The following NR6A1 variants were observed in gnomAD, a reference collection of about 807,000 sequenced individuals.
The protein encoded by NR6A1 is nuclear receptor subfamily 6 group A member 1, also known as retinoic acid receptor-related testis-associated receptor.
Under a neutral mutation model 59.1 loss-of-function variants are expected in NR6A1, and 7 were observed. The ratio of observed to expected loss-of-function variants is 0.12; its 90% CI spans 0.07 to 0.22. The LOEUF is 0.22. Among genes scored for constraint, NR6A1 ranks in the 10% least tolerant of loss-of-function variants. The pLI, the probability that NR6A1 is intolerant of heterozygous loss-of-function variation, is 1.00. For synonymous variants in NR6A1, 243 were observed against 236.1 expected (o/e 1.03, Z -0.27); for missense variants, 468 against 611.6 (o/e 0.77, Z 2.48).
intron 2 of NR6A1, among the ~76,000 whole-genome samples, chr9:124,621,966 C>T (rs1836089616): frequency 6.6e-6 from 1 of 152,164 alleles, no homozygotes; most frequent in Admixed American, 6.5e-5. Flanking sequence ...ATAATCTCAG[C>T]ACTTTGAGAG....
rs148085334 is a variant in NR6A1 at position 124,541,429 on chromosome 9, A to C, written c.442-1242T>G. Among the ~76,000 whole-genome samples, 99 of 152,344 alleles carry C rather than the reference A, an allele frequency of 6.5e-4. 1 individual carries two copies. The highest frequency in any genetic ancestry group is 1.7e-3 in the South Asian group (8 of 4,826). On this transcript the variant is annotated intron_variant, in intron 4 of 9. Transcript: ENST00000487099. ...ATACAAATCAAAACTTGAAGATATT[A>C]CCTCACACCTGTTATGTCTGTTGTA... is the stretch of plus-strand genomic sequence containing the variant.
chr9:124,660,001 T>C (rs1381806106), intron 2 of NR6A1, among the ~76,000 whole-genome samples: 1 of 152,184 alleles, frequency 6.6e-6, no homozygotes, highest in African/African-American at 2.4e-5. Context: ...ATAAGTAGAA[T>C]GCACTTGGGG....
chr9:124,546,785 A>C (rs1218212187), intron 3 of NR6A1, among the ~76,000 whole-genome samples: 2 of 152,260 alleles, frequency 1.3e-5, no homozygotes, highest in African/African-American at 4.8e-5. Flanking sequence ...TTAAAAACAA[A>C]AACTTGGACC....
chr9:124,588,151 G>A (rs1411341572), intron 2 of NR6A1, among the ~76,000 whole-genome samples: 1 of 152,152 alleles, frequency 6.6e-6, no homozygotes, highest in African/African-American at 2.4e-5. Flanking sequence ...ATATATGATG[G>A]ACTTTCCATA....
In NR6A1 at chr9:124,538,076, GGCGGA is replaced by G; in HGVS notation, c.824+11_824+15del. ...TTTGAGACTGCAAGGGGCCAAGAAG[GGCGGA>G]GCTCACTCACCCATCTTCAATCAAC... On this transcript the variant is annotated intron_variant, in intron 6 of 9. Coordinates refer to ENST00000487099, the MANE Select transcript of NR6A1 (RefSeq NM_033334.4). 6.3e-7 allele frequency: 1 copy of G among 1,590,348 alleles called. No homozygotes were observed. The highest frequency in any genetic ancestry group is 8.6e-7 in the Non-Finnish European group (1 of 1,167,124).
chr9:124,567,149 C>T (rs971243176), intron 2 of NR6A1, among the ~76,000 whole-genome samples: 3 of 151,944 alleles, frequency 2.0e-5, no homozygotes, highest in East Asian at 3.9e-4. Context: ...GGACAACGGG[C>T]GAGTCAAGTG....
intron 4 of NR6A1, among the ~76,000 whole-genome samples, chr9:124,543,167 G>A (rs957759754): frequency 3.9e-5 from 6 of 152,070 alleles, no homozygotes; most frequent in Admixed American, 6.6e-5. Context: ...AAGATTCATC[G>A]TTGGGTCTCT....
chr9:124,645,832 A>C (rs965582799), intron 2 of NR6A1, among the ~76,000 whole-genome samples: 1 of 152,184 alleles, frequency 6.6e-6, no homozygotes, highest in Non-Finnish European at 1.5e-5. Context: ...ATTCTTCTCA[A>C]GTTGACATGA....
At position 124,554,335 on chromosome 9, in the gene NR6A1, G is replaced by A; in HGVS notation, c.378C>T (p.Asn126=). The A allele has an allele frequency of 6.2e-7, 1 of 1,614,150 alleles. No individual in the cohort carries two copies. Among genetic ancestry groups the A allele is most frequent in the Non-Finnish European group, 8.5e-7 (1 of 1,180,016 alleles). Residue 126 remains asparagine, a synonymous_variant, in exon 3 of 10, where the codon AAC becomes AAT. Coordinates refer to ENST00000487099, the MANE Select transcript of NR6A1 (RefSeq NM_033334.4). ...GCCATCAGCACCACTCACCCTTCCG[G>A]TTCATCCCCATCTGGAGGCATTTGA... ...RLLKCLQMGM[N]RKAIREDGMP... is the part of the protein sequence containing the mutation.
chr9:124,565,808 T>A (rs1468003894), intron 2 of NR6A1, among the ~76,000 whole-genome samples: 1 of 152,224 alleles, frequency 6.6e-6, no homozygotes, highest in Non-Finnish European at 1.5e-5. Context: ...GGCTGAAATT[T>A]AAAAAGACTT....
intron 2 of NR6A1, among the ~76,000 whole-genome samples, chr9:124,623,627 A>G (rs1246230715): frequency 3.3e-5 from 5 of 150,988 alleles, no homozygotes; most frequent in African/African-American, 9.8e-5. Flanking sequence ...AAGTGCTGGG[A>G]TTACAGGCAT....
chr9:124,701,243 AT>A (rs1414177997), intron 2 of NR6A1, among the ~76,000 whole-genome samples: 1 of 152,192 alleles, frequency 6.6e-6, no homozygotes, highest in Non-Finnish European at 1.5e-5. Context: ...TTTCTAGAAC[AT>A]TTTGACAGTC....
At chr9:124,560,441 T>C (rs1184178405) in intron 2 of NR6A1, among the ~76,000 whole-genome samples, 2 of 152,226 alleles carry the variant, frequency 1.3e-5, no homozygotes, top group Admixed American at 6.5e-5. Flanking sequence ...CGTTACATTA[T>C]TTTCATTTCT....
rs150737534 is a variant in NR6A1, at chr9:124,768,231, T to C, written c.100+2789A>G. On this transcript the variant is annotated intron_variant, in intron 1 of 9. Transcript: ENST00000487099. ...GAGACCAAAAGACCCCCTATCTGTA[T>C]AGTTGTCTCTTGAAAATAGTTCATA... 3.5e-3 allele frequency among the ~76,000 whole-genome samples: 539 copies of C among 152,350 alleles called. 1 individual carries two copies. The highest frequency in any genetic ancestry group is 6.9e-3 in the East Asian group (36 of 5,194).
chr9:124,582,981 A>G (rs1407219095), intron 2 of NR6A1, among the ~76,000 whole-genome samples: 1 of 152,138 alleles, frequency 6.6e-6, no homozygotes, highest in African/African-American at 2.4e-5. Flanking sequence ...CCCCCAAAGC[A>G]CTCAATTTTT....
chr9:124,709,946 GAA>G (rs756286252), intron 2 of NR6A1, among the ~76,000 whole-genome samples: 11 of 105,476 alleles, frequency 1.0e-4, no homozygotes, highest in Non-Finnish European at 1.6e-4. Flanking sequence ...ATTCCATCTC[GAA>G]AAAAAAAAAA....
At chr9:124,563,187 C>G (rs1022179306) in intron 2 of NR6A1, among the ~76,000 whole-genome samples, 2 of 152,104 alleles carry the variant, frequency 1.3e-5, no homozygotes, top group Non-Finnish European at 2.9e-5. Context: ...TTCCAAATTA[C>G]AAGTCATAAC....
intron 2 of NR6A1, among the ~76,000 whole-genome samples, chr9:124,629,348 GTTAT>G (rs1172304494): frequency 6.6e-6 from 1 of 152,226 alleles, no homozygotes; most frequent in African/African-American, 2.4e-5. Context: ...GTGACAGCAA[GTTAT>G]TTAAATATAA....
intron 3 of NR6A1, among the ~76,000 whole-genome samples, chr9:124,550,262 T>C (rs189476796): frequency 6.2e-4 from 94 of 152,354 alleles, no homozygotes; most frequent in Admixed American, 2.5e-3. Flanking sequence ...GTAATTACTA[T>C]ATATTTGCAG....
Sources: gnomAD v4.1 joint callset for allele counts (sites outside exome capture counted in the v4.1 genomes callset) on GRCh38, gnomAD v4.1.1 for gene constraint, MANE v1.5 for transcripts, NCBI Gene and HGNC (gene_info 2026-07-23, HGNC 2026-07-21) for gene names.